WWOX: variants seen among roughly 807,000 people sequenced by gnomAD.
The protein encoded by WWOX is WW domain containing oxidoreductase.
Under a neutral mutation model 46.2 loss-of-function variants are expected in WWOX, and 69 were observed. The observed-to-expected ratio is 1.49, with a 90% CI of 1.23 to 1.82. The LOEUF (loss-of-function observed/expected upper bound fraction) is 1.82. Among genes scored for constraint, WWOX ranks in the 40% most tolerant of loss-of-function variants. WWOX has a pLI of 0.00. For synonymous variants in WWOX, 359 were observed against 202.6 expected, an observed-to-expected ratio of 1.77 and a Z score of -6.56; for missense variants, 919 against 542.6, an observed-to-expected ratio of 1.69 and a Z score of -6.89.
chr16:79,000,950 G>A (rs1269592690), intron 8 of WWOX, among the ~76,000 whole-genome samples: 1 of 152,178 alleles, frequency 6.6e-6, no homozygotes, highest in Non-Finnish European at 1.5e-5. Flanking sequence ...CAGGAATAGT[G>A]TGTGGTTCAA....
chr16:78,463,415 T>C (rs1367105265), intron 8 of WWOX, among the ~76,000 whole-genome samples: 1 of 152,214 alleles, frequency 6.6e-6, no homozygotes, highest in Non-Finnish European at 1.5e-5. Context: ...ACTGGAGATA[T>C]TTCCATGCCT....
At chr16:78,481,733 G>GTGTGTC (rs1226825626) in intron 8 of WWOX, among the ~76,000 whole-genome samples, 1 of 134,056 alleles carries the variant, frequency 7.5e-6, no homozygotes, top group Admixed American at 6.9e-5. Context: ...AAGTGTGTGT[G>GTGTGTC]TGTGTGTGTG....
intron 8 of WWOX, among the ~76,000 whole-genome samples, chr16:78,584,947 G>A (rs1382078548): frequency 6.6e-6 from 1 of 152,212 alleles, no homozygotes; most frequent in Non-Finnish European, 1.5e-5. Flanking sequence ...CACACAGTGG[G>A]TTTTCCCAAC....
At chr16:79,086,720 A>C (rs545074375) in intron 8 of WWOX, among the ~76,000 whole-genome samples, 61 of 152,260 alleles carry the variant, frequency 4.0e-4, no homozygotes, top group African/African-American at 1.5e-3. Context: ...GTCTCTACAA[A>C]AAATAAAAAG....
At chr16:78,173,449 T>A (rs1273816578) in intron 5 of WWOX, among the ~76,000 whole-genome samples, 20 of 145,082 alleles carry the variant, frequency 1.4e-4, no homozygotes. Context: ...CCACCACACC[T>A]GGCTAATTTT....
chr16:78,278,489 C>G, intron 5 of WWOX: 1 of 1,068,094 alleles, frequency 9.4e-7, no homozygotes, highest in South Asian at 1.5e-5. Context: ...ATTTAACCAG[C>G]TTGAATTTGT....
chr16:78,159,165 T>TTG (rs1402100000), intron 4 of WWOX, among the ~76,000 whole-genome samples: 1 of 149,978 alleles, frequency 6.7e-6, no homozygotes, highest in Non-Finnish European at 1.5e-5. Flanking sequence ...GTGTGTGTGT[T>TTG]TGTGTGTGTG....
intron 5 of WWOX, among the ~76,000 whole-genome samples, chr16:78,172,939 C>T (rs1357439790): frequency 1.3e-5 from 2 of 152,184 alleles, no homozygotes; most frequent in Non-Finnish European, 2.9e-5. Flanking sequence ...AAAAATATGC[C>T]TGAGACTGTT....
intron 7 of WWOX, among the ~76,000 whole-genome samples, chr16:78,431,330 G>A (rs1020294863): frequency 2.6e-5 from 4 of 152,068 alleles, no homozygotes; most frequent in Non-Finnish European, 5.9e-5. Flanking sequence ...GACTATTGAT[G>A]GTACCTCACC....
intron 8 of WWOX, chr16:78,551,681 C>G (rs1008537438): frequency 5.7e-5 from 8 of 141,068 alleles, no homozygotes; most frequent in Non-Finnish European, 9.3e-5. Flanking sequence ...TTTCTCAGAT[C>G]ACACAGGCAG....
chr16:78,970,666 G>T (rs2046451936), intron 8 of WWOX, among the ~76,000 whole-genome samples: 1 of 152,162 alleles, frequency 6.6e-6, no homozygotes, highest in Non-Finnish European at 1.5e-5. Context: ...GAAATTTGCT[G>T]AGAATTCATT....
At chr16:78,752,912 G>A (rs559646405) in intron 8 of WWOX, among the ~76,000 whole-genome samples, 1 of 152,208 alleles carries the variant, frequency 6.6e-6, no homozygotes, top group Non-Finnish European at 1.5e-5. Flanking sequence ...GCCACCAGCA[G>A]CAACGGCACA....
intron 8 of WWOX, among the ~76,000 whole-genome samples, chr16:79,169,727 G>T (rs894585608): frequency 6.6e-6 from 1 of 152,224 alleles, no homozygotes; most frequent in Non-Finnish European, 1.5e-5. Flanking sequence ...TGGGCAGGAT[G>T]GCTGGGATCG....
chr16:78,725,763 G>A (rs1388065280), intron 8 of WWOX, among the ~76,000 whole-genome samples: 4 of 152,064 alleles, frequency 2.6e-5, no homozygotes, highest in Non-Finnish European at 5.9e-5. Flanking sequence ...TCTTTCTGAA[G>A]GCTCCAGGGA....
chr16:78,831,005 A>C (rs141102157), intron 8 of WWOX, among the ~76,000 whole-genome samples: 3,072 of 152,338 alleles, frequency 0.02, 39 homozygotes, highest in Non-Finnish European at 0.03. Flanking sequence ...ATGATGCAGC[A>C]GTAATCACAG....
At chr16:78,433,138 G>A (rs1452435608) in intron 8 of WWOX, among the ~76,000 whole-genome samples, 1 of 152,116 alleles carries the variant, frequency 6.6e-6, no homozygotes, top group African/African-American at 2.4e-5. Context: ...AACAAACATT[G>A]GTGACTACTG....
At chr16:78,312,682 G>C (rs1445176488) in intron 5 of WWOX, among the ~76,000 whole-genome samples, 1 of 151,152 alleles carries the variant, frequency 6.6e-6, no homozygotes, top group African/African-American at 2.5e-5. Flanking sequence ...GCTGGTTGTA[G>C]GCCTAATTCT....
intron 8 of WWOX, among the ~76,000 whole-genome samples, chr16:78,470,724 T>G (rs1482906303): frequency 3.9e-5 from 6 of 152,122 alleles, no homozygotes; most frequent in African/African-American, 1.4e-4. Flanking sequence ...GATGGGGGTT[T>G]CACCATGTGG....
In WWOX at chr16:78,271,738, C is replaced by T. The variant is rs563344924; in HGVS notation, c.516+107449C>T. Among the ~76,000 whole-genome samples, 184 of 152,304 alleles carry T rather than the reference C, an allele frequency of 1.2e-3. 4 individuals are homozygous for T. The South Asian group carries it at 0.035, about 29-fold the overall frequency. The stretch of plus-strand genomic sequence containing the variant: ...GTGAAAACAGTCACATGGGACTCTG[C>T]CCAGCGAGGGCGTTGGGAGGCCTGG... On this transcript the variant is annotated intron_variant, in intron 5 of 8. Coordinates refer to ENST00000566780, the MANE Select transcript of WWOX (RefSeq NM_016373.4).
Sources: allele counts gnomAD v4.1 joint callset (sites outside exome capture counted in the v4.1 genomes callset), GRCh38; gene constraint gnomAD v4.1.1; transcripts MANE v1.5; gene names NCBI Gene and HGNC (gene_info 2026-07-23, HGNC 2026-07-21).